Variants in DSCAML1 observed in about 807,000 individuals in gnomAD.
The protein encoded by DSCAML1 is DS cell adhesion molecule like 1, also known as cell adhesion molecule DSCAML1.
In DSCAML1, 38 loss-of-function variants were observed where a neutral mutation model predicts 200.5. The ratio of observed to expected loss-of-function variants is 0.19; its 90% confidence interval spans 0.15 to 0.25. The LOEUF (loss-of-function observed/expected upper bound fraction) is 0.25, where lower values mean the gene tolerates loss of function less well. Ranked by LOEUF, DSCAML1 falls within the 10% of genes least tolerant of loss-of-function variation. The pLI is 1.00. For missense variants in DSCAML1, 2,223 were observed against 2,858.8 expected (o/e 0.78, Z 5.07); for synonymous variants, 1,215 against 1,165.0 (o/e 1.04, Z -0.87).
chr11:117,486,325 G>A (rs75467662), intron 11 of DSCAML1, among the ~76,000 whole-genome samples: 3,442 of 150,928 alleles, frequency 0.023, 158 homozygotes, highest in African/African-American at 0.079. Context: ...TGAAAGTAGC[G>A]GATGTGAAAA....
intron 3 of DSCAML1, among the ~76,000 whole-genome samples, chr11:117,759,547 G>A (rs1453559989): frequency 6.6e-6 from 1 of 152,090 alleles, no homozygotes; most frequent in African/African-American, 2.4e-5. Context: ...ACTTTCTCTT[G>A]TAATGTGAGC....
At chr11:117,761,700 GTC>G (rs1222453249) in intron 3 of DSCAML1, among the ~76,000 whole-genome samples, 5 of 152,166 alleles carry the variant, frequency 3.3e-5, no homozygotes, top group African/African-American at 9.7e-5. Flanking sequence ...GTGAGATCCT[GTC>G]TCTACAAAAA....
intron 3 of DSCAML1, among the ~76,000 whole-genome samples, chr11:117,586,899 C>T (rs1025075523): frequency 3.3e-5 from 5 of 152,246 alleles, no homozygotes; most frequent in South Asian, 4.1e-4. Context: ...CTCTGCACAG[C>T]GCTGAGGCCA....
At chr11:117,632,532 A>G (rs148990748) in intron 3 of DSCAML1, among the ~76,000 whole-genome samples, 8 of 152,152 alleles carry the variant, frequency 5.3e-5, no homozygotes, top group Admixed American at 4.6e-4. Flanking sequence ...AGCAGGCCAT[A>G]AAAGGGATTG....
At chr11:117,676,749 C>T (rs971912766) in intron 3 of DSCAML1, among the ~76,000 whole-genome samples, 9 of 152,204 alleles carry the variant, frequency 5.9e-5, no homozygotes, top group Admixed American at 3.9e-4. Flanking sequence ...GGTGGCAGGG[C>T]CGCACTCTGC....
intron 1 of DSCAML1, among the ~76,000 whole-genome samples, chr11:117,804,392 A>G (rs1473766895): frequency 1.3e-5 from 2 of 152,210 alleles, no homozygotes; most frequent in African/African-American, 4.8e-5. Flanking sequence ...ACAGAAGTTT[A>G]TCTAATTTCA....
intron 3 of DSCAML1, among the ~76,000 whole-genome samples, chr11:117,703,537 G>A (rs1190992921): frequency 1.3e-5 from 2 of 152,188 alleles, no homozygotes; most frequent in Non-Finnish European, 2.9e-5. Flanking sequence ...TGGTTCCCAA[G>A]TGACAAATGA....
Position 117,780,262 on chromosome 11 carries a change from AAG to A in DSCAML1, c.364+229_364+230del, listed in dbSNP as rs2055220023. The stretch of plus-strand genomic sequence containing the variant: ...AAAGAAAGAAAGAAAGAAAGAAAGA[AAG>A]AAAGAAAGAAAGAAAGAAAGAAAGA... On this transcript the variant is annotated intron_variant, in intron 2 of 32. Coordinates refer to ENST00000651296, the MANE Select transcript of DSCAML1 (RefSeq NM_020693.4). The surrounding 1 kb of genome is among the most constrained non-coding windows in gnomAD (Gnocchi z 4.8). 2.1e-5 allele frequency among the ~76,000 whole-genome samples: 2 copies of A among 93,782 alleles called. No homozygotes were observed. Among genetic ancestry groups the A allele is most frequent in the Middle Eastern group, 4.8e-3 (1 of 210 alleles). The allele number at this position is 93,782 out of a possible 152,430, so 61.5% of individuals were successfully genotyped here.
intron 1 of DSCAML1, among the ~76,000 whole-genome samples, chr11:117,809,838 C>G (rs1262785701): frequency 6.6e-6 from 1 of 152,086 alleles, no homozygotes; most frequent in East Asian, 1.9e-4. Flanking sequence ...CAAACTCACA[C>G]AGTCACATAC....
rs549355503 is a variant in DSCAML1 at position 117,524,998 on chromosome 11, G to A, written c.744C>T (p.Thr248=). ...TGGCGGGGATAGGGTAGCCCGAGGC[G>A]GTGCAGGGCAGCTCCACGGTGTGGC... ...WAGHTVELPC[T]ASGYPIPAIR... The change falls in exon 5 of 33, where the codon ACC becomes ACT. Residue 248 remains threonine, a synonymous_variant. Transcript: ENST00000651296. 22 of 1,610,670 alleles carry A rather than the reference G, an allele frequency of 1.4e-5. No individual in the cohort carries two copies. The highest frequency in any genetic ancestry group is 3.4e-4 in the Middle Eastern group (2 of 5,878).
intron 1 of DSCAML1, among the ~76,000 whole-genome samples, chr11:117,808,188 G>A (rs549255163): frequency 6.6e-6 from 1 of 152,372 alleles, no homozygotes; most frequent in Admixed American, 6.5e-5. Context: ...GCATGTTACA[G>A]ATGAGGAAAT....
At position 117,642,074 on chromosome 11, in the gene DSCAML1, G is replaced by A. The variant is rs1010969674; in HGVS notation, c.512-109552C>T. ...GTGACAGCTCCCTTTTCTGAACATC[G>A]ATGGCAGTCATCTCTACCTCACCTG... On this transcript the variant is annotated intron_variant, in intron 3 of 32. Coordinates refer to ENST00000651296, the MANE Select transcript of DSCAML1 (RefSeq NM_020693.4). This position sits in a 1 kb window ranked among gnomAD's most constrained non-coding sequence, Gnocchi z 4.1. 3.9e-5 allele frequency among the ~76,000 whole-genome samples: 6 copies of A among 151,978 alleles called. No homozygotes were observed. Among genetic ancestry groups the A allele is most frequent in the African/African-American group, 7.3e-5 (3 of 41,334 alleles).
At chr11:117,676,423 G>A (rs753194810) in intron 3 of DSCAML1, among the ~76,000 whole-genome samples, 2 of 152,212 alleles carry the variant, frequency 1.3e-5, no homozygotes, top group African/African-American at 2.4e-5. Flanking sequence ...TGTGGGGCAT[G>A]CGAGTGAGGT....
At chr11:117,633,259 C>T (rs752886016) in intron 3 of DSCAML1, among the ~76,000 whole-genome samples, 2 of 152,152 alleles carry the variant, frequency 1.3e-5, no homozygotes, top group African/African-American at 4.8e-5. Flanking sequence ...ACCTGGGCAA[C>T]CTTTGCCTGA....
chr11:117,488,568 G>T (rs1243840302), intron 11 of DSCAML1, among the ~76,000 whole-genome samples: 1 of 151,668 alleles, frequency 6.6e-6, no homozygotes, highest in Non-Finnish European at 1.5e-5. Context: ...ACACACAGAG[G>T]GGCAGTGTCA....
At chr11:117,574,876 G>T (rs577667664) in intron 3 of DSCAML1, among the ~76,000 whole-genome samples, 13 of 152,158 alleles carry the variant, frequency 8.5e-5, no homozygotes, top group Admixed American at 2.6e-4. Flanking sequence ...CAGTCCCAGG[G>T]GTGAGCAGGC....
At chr11:117,789,705 G>T (rs1201727000) in intron 1 of DSCAML1, among the ~76,000 whole-genome samples, 1 of 152,166 alleles carries the variant, frequency 6.6e-6, no homozygotes, top group Non-Finnish European at 1.5e-5. Context: ...GCCTATCACA[G>T]TCGCAGGGCT....
chr11:117,758,768 G>A (rs1425730017), intron 3 of DSCAML1, among the ~76,000 whole-genome samples: 2 of 152,108 alleles, frequency 1.3e-5, no homozygotes, highest in African/African-American at 4.8e-5. Flanking sequence ...ACGGACATCT[G>A]AGACTTCAGA....
intron 1 of DSCAML1, among the ~76,000 whole-genome samples, chr11:117,785,454 T>C (rs1234045672): frequency 1.3e-5 from 2 of 151,968 alleles, no homozygotes; most frequent in Non-Finnish European, 2.9e-5. Flanking sequence ...TGGGGGATGC[T>C]GTGGAAACCT....
Sources: gnomAD v4.1 joint callset for allele counts (sites outside exome capture counted in the v4.1 genomes callset) on GRCh38, gnomAD v4.1.1 for gene constraint, Gnocchi (gnomAD v3.1) non-coding constraint, MANE v1.5 for transcripts, NCBI Gene and HGNC (gene_info 2026-07-23, HGNC 2026-07-21) for gene names.